Variants in CERS3 observed in about 807,000 individuals in gnomAD.
CERS3 encodes ceramide synthase 3.
CERS3 carries 33 observed loss-of-function variants against 50.3 expected under a neutral mutation model. The ratio of observed to expected loss-of-function variants is 0.66; its 90% confidence interval spans 0.50 to 0.88. The LOEUF (loss-of-function observed/expected upper bound fraction) is 0.88, where lower values mean the gene tolerates loss of function less well. Ranked by LOEUF, CERS3 falls within the 40% of genes least tolerant of loss-of-function variation. CERS3 has a pLI of 0.00. For synonymous variants in CERS3, 176 were observed against 155.2 expected (o/e 1.13, Z -0.99); for missense variants, 470 against 460.3 (o/e 1.02, Z -0.19).
intron 7 of CERS3, among the ~76,000 whole-genome samples, chr15:100,477,882 G>T (rs1319637313): frequency 3.3e-5 from 5 of 152,208 alleles, no homozygotes; most frequent in Admixed American, 3.3e-4. Flanking sequence ...CACAAAGACT[G>T]AAGTCTACCT....
In CERS3 at chr15:100,456,003, G is replaced by T. The variant is rs764026260; in HGVS notation, c.889C>A (p.Pro297Thr). The T allele has an allele frequency of 1.9e-6, 3 of 1,612,934 alleles. No homozygotes were observed. Among genetic ancestry groups the T allele is most frequent in the South Asian group, 1.1e-5 (1 of 90,974 alleles). ...TTGAGGAAGATGTATGAAAAGAAAG[G>T]CTCGAGGTGATACATAGGCAAGATC... ...TLILPMYHLE[P>T]FFSYIFLNLQ... The change falls in exon 11 of 12, where the codon CCT (proline) becomes ACT (threonine). Residue 297 changes from proline to threonine, a missense_variant. Physicochemically the swap from Pro to Thr is conservative, Grantham distance 38 (BLOSUM62 -1). Transcript: ENST00000679737.
At chr15:100,412,418 G>A (rs1596609536) in intron 11 of CERS3, among the ~76,000 whole-genome samples, 1 of 152,100 alleles carries the variant, frequency 6.6e-6, no homozygotes, top group African/African-American at 2.4e-5. Flanking sequence ...CTTTATGTTT[G>A]TCTTTATGCC....
chr15:100,505,898 TCA>T (rs1354039474), intron 2 of CERS3, among the ~76,000 whole-genome samples: 1 of 152,128 alleles, frequency 6.6e-6, no homozygotes, highest in Non-Finnish European at 1.5e-5. Context: ...GCCTGTAATC[TCA>T]GTTACTCAGG....
chr15:100,441,046 G>C (rs2033658797), intron 11 of CERS3, among the ~76,000 whole-genome samples: 1 of 152,140 alleles, frequency 6.6e-6, no homozygotes, highest in African/African-American at 2.4e-5. Context: ...GCCTGCCTTG[G>C]TCCTTCACCC....
At chr15:100,523,984 G>A (rs1048219939) in intron 1 of CERS3, among the ~76,000 whole-genome samples, 3 of 152,066 alleles carry the variant, frequency 2.0e-5, no homozygotes, top group African/African-American at 7.2e-5. Flanking sequence ...ATTTGTACAT[G>A]GACATTCAAA....
chr15:100,466,336 C>A (rs2034714855), intron 10 of CERS3, among the ~76,000 whole-genome samples: 2 of 152,190 alleles, frequency 1.3e-5, no homozygotes. Context: ...ACCATGGCAG[C>A]AATATTGCAG....
At chr15:100,469,308 G>C in intron 10 of CERS3, 70 bp downstream of exon 10, 1 of 1,139,512 alleles carries the variant, frequency 8.8e-7, no homozygotes, top group Non-Finnish European at 1.3e-6. Context: ...GCAATGCCCT[G>C]AGGGTAACCA....
Position 100,401,203 on chromosome 15 carries a change from T to C in CERS3, c.*1510A>G, listed in dbSNP as rs746995699. The C allele has an allele frequency of 6.6e-6, 1 of 152,132 alleles. No individual in the cohort carries two copies. Among genetic ancestry groups the C allele is most frequent in the Non-Finnish European group, 1.5e-5 (1 of 68,020 alleles). The allele number at this position is 152,132 out of a possible 1,614,324, so 9.4% of individuals were successfully genotyped here. A position where few individuals can be genotyped will look rare whatever the true frequency, so the allele number is the denominator to read the frequency against. On this transcript the variant is annotated 3_prime_UTR_variant, in exon 12 of 12. Transcript: ENST00000679737. ...TTTCTAGTACGAGCCCCTGAATAAATAGGATGAACATACAAAATCTGACCG... is the reference window on the plus strand; with the variant it reads ...TTTCTAGTACGAGCCCCTGAATAAACAGGATGAACATACAAAATCTGACCG...
At chr15:100,411,929 G>C (rs2031522664) in intron 11 of CERS3, among the ~76,000 whole-genome samples, 6 of 152,102 alleles carry the variant, frequency 3.9e-5, no homozygotes, top group Admixed American at 3.9e-4. Context: ...GTCTATTCAA[G>C]TCCTTTGCCC....
At chr15:100,478,162 A>G (rs1263648661) in intron 7 of CERS3, among the ~76,000 whole-genome samples, 2 of 152,354 alleles carry the variant, frequency 1.3e-5, no homozygotes, top group Non-Finnish European at 2.9e-5. Context: ...ATTTCAGTAG[A>G]GAACTGGGAT....
intron 11 of CERS3, among the ~76,000 whole-genome samples, chr15:100,448,363 G>T (rs1197411439): frequency 6.6e-6 from 1 of 152,190 alleles, no homozygotes; most frequent in Non-Finnish European, 1.5e-5. Context: ...AAGACCGTCT[G>T]CTCAGCTAAG....
chr15:100,453,918 AT>A (rs1405936207), intron 11 of CERS3, among the ~76,000 whole-genome samples: 2 of 152,228 alleles, frequency 1.3e-5, no homozygotes, highest in Non-Finnish European at 2.9e-5. Context: ...CTAGGAATAA[AT>A]TTAACCAAGG....
chr15:100,414,798 A>C lies in CERS3; in HGVS notation c.1000-11933T>G, dbSNP rs2031766828. Among the ~76,000 whole-genome samples the C allele has an allele frequency of 2.0e-5, 3 of 147,876 alleles. No individual in the cohort carries two copies. In the Admixed American group the frequency reaches 2.1e-4, roughly 10 times the overall value. On this transcript the variant is annotated intron_variant, in intron 11 of 11. Coordinates refer to ENST00000679737, the MANE Select transcript of CERS3 (RefSeq NM_001378789.1). The stretch of plus-strand genomic sequence containing the variant: ...TTAACTAAAGATGGATTGAAGCCTT[A>C]AATGTAAAACCCAAAATGATTAAAA...
chr15:100,461,620 C>G (rs894384704), intron 10 of CERS3, among the ~76,000 whole-genome samples: 1 of 152,228 alleles, frequency 6.6e-6, no homozygotes, highest in Non-Finnish European at 1.5e-5. Flanking sequence ...ATGGCCACTA[C>G]TACTTTCCCA....
chr15:100,413,682 G>A (rs2031665533), intron 11 of CERS3, among the ~76,000 whole-genome samples: 1 of 151,396 alleles, frequency 6.6e-6, no homozygotes, highest in Non-Finnish European at 1.5e-5. Flanking sequence ...TGAGCATGTG[G>A]GGAAAAAGAA....
chr15:100,463,423 G>C (rs1228449293), intron 10 of CERS3, among the ~76,000 whole-genome samples: 1 of 98,772 alleles, frequency 1.0e-5, no homozygotes, highest in Non-Finnish European at 1.8e-5. Context: ...AACAGAGTGA[G>C]ACTCTGTCTC....
intron 11 of CERS3, among the ~76,000 whole-genome samples, chr15:100,449,404 C>T (rs1351917000): frequency 6.6e-6 from 1 of 152,212 alleles, no homozygotes; most frequent in Non-Finnish European, 1.5e-5. Flanking sequence ...CTACCTCCTG[C>T]CCCATCACTG....
chr15:100,467,961 A>AC lies in CERS3; in HGVS notation c.845+1416dup, dbSNP rs1288445506. ...GATCTAGAACTCCTGGGCTTAAGTGACCCCCCCGCCAACCTCAGGCTCCTG... is the reference window on the plus strand; with the variant it reads ...GATCTAGAACTCCTGGGCTTAAGTGACCCCCCCCGCCAACCTCAGGCTCCTG... On this transcript the variant is annotated intron_variant, in intron 10 of 11. Coordinates refer to ENST00000679737, the MANE Select transcript of CERS3 (RefSeq NM_001378789.1). Among the ~76,000 whole-genome samples, 42 of 149,802 alleles carry AC rather than the reference A, an allele frequency of 2.8e-4. 1 individual carries two copies. The highest frequency in any genetic ancestry group is 2.0e-4 in the East Asian group (1 of 5,092).
At chr15:100,468,050 T>C (rs546927819) in intron 10 of CERS3, among the ~76,000 whole-genome samples, 1 of 151,892 alleles carries the variant, frequency 6.6e-6, no homozygotes, top group South Asian at 2.1e-4. Flanking sequence ...ACAAACACAC[T>C]TGCTCAGTCA....
Sources: gnomAD v4.1 joint callset for allele counts (sites outside exome capture counted in the v4.1 genomes callset) on GRCh38, gnomAD v4.1.1 for gene constraint, MANE v1.5 for transcripts, NCBI Gene and HGNC (gene_info 2026-07-23, HGNC 2026-07-21) for gene names.